The following NBAS variants were observed in gnomAD, a reference collection of about 807,000 sequenced individuals.
NBAS encodes the protein NBAS subunit of NRZ tethering complex.
Under a neutral mutation model 302.5 loss-of-function variants are expected in NBAS, and 219 were observed. That is an observed-to-expected ratio of 0.72 (90% confidence interval 0.65 to 0.81). The LOEUF (loss-of-function observed/expected upper bound fraction) is 0.81, where lower values mean the gene tolerates loss of function less well. NBAS is among the 30% of genes least tolerant of loss of function. The pLI is 0.00. For synonymous variants in NBAS, 1,118 were observed against 1,021.6 expected (o/e 1.09, Z -1.80); for missense variants, 2,932 against 2,841.6 (o/e 1.03, Z -0.72).
intron 11 of NBAS, among the ~76,000 whole-genome samples, chr2:15,492,325 T>C (rs1227617770): frequency 3.3e-5 from 5 of 152,332 alleles, no homozygotes; most frequent in African/African-American, 1.2e-4. Flanking sequence ...CGTTCATGCA[T>C]AGTAAGATGA....
intron 35 of NBAS, among the ~76,000 whole-genome samples, chr2:15,337,786 G>A (rs1267954749): frequency 6.6e-6 from 1 of 152,116 alleles, no homozygotes; most frequent in East Asian, 1.9e-4. Flanking sequence ...AGTTTAACCA[G>A]AAACATTAAT....
At chr2:15,009,872 A>C in the NBAS span, among the ~76,000 whole-genome samples, 3 of 151,964 alleles carry the variant, frequency 2.0e-5, no homozygotes, top group African/African-American at 7.3e-5. Flanking sequence ...ACAGAACTAG[A>C]ACCGCAAAAT....
At chr2:15,478,340 A>T (rs1680279631) in intron 12 of NBAS, 51 bp from the exon 13 acceptor site, 1 of 1,343,474 alleles carries the variant, frequency 7.4e-7, no homozygotes, top group African/African-American at 1.4e-5. Context: ...GAAAATTATA[A>T]GAAAATCATC....
Position 15,277,014 on chromosome 2 carries a change from G to T in NBAS, c.5226C>A (p.His1742Gln). ...LKTDPEAFHQHMVKYIYPTIG... is the reference protein window; with the variant it reads ...LKTDPEAFHQQMVKYIYPTIG... ...TAGTAGGGTAAATATACTTGACCAT[G>T]TGCTGGTGAAAGGCTTCTGGATCAG... is the stretch of plus-strand genomic sequence containing the variant. Residue 1742 changes from histidine (H) to glutamine (Q), a missense_variant, in exon 43 of 52, where the codon CAC becomes CAA. Coordinates refer to ENST00000281513, the MANE Select transcript of NBAS (RefSeq NM_015909.4). 6.2e-7 allele frequency: 1 copy of T among 1,613,982 alleles called. No individual in the cohort carries two copies. Among genetic ancestry groups the T allele is most frequent in the Non-Finnish European group, 8.5e-7 (1 of 1,179,952 alleles).
chr2:15,546,855 A>C (rs1362542893), intron 6 of NBAS, among the ~76,000 whole-genome samples: 3 of 152,242 alleles, frequency 2.0e-5, no homozygotes, highest in Admixed American at 2.0e-4. Context: ...GGCTGCTGGA[A>C]GCCAGAGGCA....
the NBAS span, among the ~76,000 whole-genome samples, chr2:14,786,215 C>A: frequency 0.01 from 1,571 of 151,946 alleles, 28 homozygotes; most frequent in African/African-American, 0.035. Context: ...TCTCTCTTTT[C>A]TTCTTTATTA....
At chr2:15,537,200 G>C (rs896271404) in intron 7 of NBAS, among the ~76,000 whole-genome samples, 1 of 152,122 alleles carries the variant, frequency 6.6e-6, no homozygotes, top group African/African-American at 2.4e-5. Context: ...ATCAACAGAC[G>C]CAGGAAAAAT....
At chr2:15,084,177 T>C in the NBAS span, among the ~76,000 whole-genome samples, 1 of 151,822 alleles carries the variant, frequency 6.6e-6, no homozygotes, top group Admixed American at 6.6e-5. Context: ...GCCTCCAGAG[T>C]AGCTGGAACT....
At chr2:15,419,350 TGTGTGTGTGTAGA>T (rs1558321240) in intron 23 of NBAS, among the ~76,000 whole-genome samples, 165 of 151,502 alleles carry the variant, frequency 1.1e-3, no homozygotes, top group African/African-American at 3.9e-3. Context: ...TGTGTGTGTG[TGTGTGTGTGTAGA>T]AGAATACATT....
chr2:15,138,348 A>AGTCCAGGTGGTGCAGG, the NBAS span, among the ~76,000 whole-genome samples: 38 of 152,174 alleles, frequency 2.5e-4, no homozygotes, highest in Non-Finnish European at 4.4e-5. Flanking sequence ...AGTGGTGCAG[A>AGTCCAGGTGGTGCAGG]GTCCAGGTGG....
the NBAS span, among the ~76,000 whole-genome samples, chr2:14,909,766 G>C: frequency 6.6e-6 from 1 of 152,174 alleles, no homozygotes; most frequent in Non-Finnish European, 1.5e-5. Context: ...TTGCCCACTG[G>C]GTAAGAACAA....
chr2:15,208,924 G>A lies in NBAS; in HGVS notation c.6432+9849C>T, dbSNP rs77448661. On this transcript the variant is annotated intron_variant, in intron 48 of 51. Coordinates refer to ENST00000281513, the MANE Select transcript of NBAS (RefSeq NM_015909.4). ...CAAGAGCAAATCAAATATAAAATTA[G>A]TAGGAAAAAGGATATAATGAAGATC... Among the ~76,000 whole-genome samples, 917 of 152,156 alleles carry A rather than the reference G, an allele frequency of 6.0e-3. 10 individuals carry two copies. Among genetic ancestry groups the A allele is most frequent in the African/African-American group, 0.021 (880 of 41,538 alleles).
At chr2:14,851,363 T>A in the NBAS span, among the ~76,000 whole-genome samples, 1 of 151,848 alleles carries the variant, frequency 6.6e-6, no homozygotes, top group East Asian at 1.9e-4. Context: ...ACATACACCC[T>A]CCCAAGACTA....
chr2:14,931,664 G>A, the NBAS span, among the ~76,000 whole-genome samples: 2 of 152,186 alleles, frequency 1.3e-5, no homozygotes, highest in African/African-American at 4.8e-5. Context: ...GAAAATCTGA[G>A]TACTCGGCAC....
intron 38 of NBAS, among the ~76,000 whole-genome samples, chr2:15,312,149 CCT>C (rs1296307993): frequency 3.3e-5 from 5 of 152,352 alleles, no homozygotes; most frequent in Admixed American, 6.5e-5. Context: ...AGATGATCCT[CCT>C]CTGTGTGCGT....
chr2:15,433,241 C>A (rs1042536153), intron 21 of NBAS, among the ~76,000 whole-genome samples: 2 of 152,170 alleles, frequency 1.3e-5, no homozygotes, highest in Admixed American at 6.5e-5. Context: ...AGCTGTAGAA[C>A]CTTGATGGAG....
the NBAS span, among the ~76,000 whole-genome samples, chr2:14,803,195 G>A: frequency 1.3e-5 from 2 of 152,168 alleles, no homozygotes; most frequent in Non-Finnish European, 2.9e-5. Flanking sequence ...CATGAAATCT[G>A]GGGTTTGCCT....
chr2:14,883,468 A>G, the NBAS span, among the ~76,000 whole-genome samples: 2 of 152,192 alleles, frequency 1.3e-5, no homozygotes, highest in Admixed American at 6.5e-5. Flanking sequence ...ACTTAGGTCG[A>G]AGGAGCTCTG....
chr2:15,204,302 C>G (rs1034974694), intron 48 of NBAS, among the ~76,000 whole-genome samples: 1 of 151,986 alleles, frequency 6.6e-6, no homozygotes, highest in Non-Finnish European at 1.5e-5. Context: ...TATCAGTACT[C>G]TTACTTGAAG....
Sources: allele counts gnomAD v4.1 joint callset (sites outside exome capture counted in the v4.1 genomes callset), GRCh38; gene constraint gnomAD v4.1.1; transcripts MANE v1.5; gene names NCBI Gene and HGNC (gene_info 2026-07-23, HGNC 2026-07-21).